The following KCNT2 variants were observed in gnomAD, a reference collection of about 807,000 sequenced individuals.
The protein encoded by KCNT2 is potassium channel subfamily T member 2.
KCNT2 carries 67 observed loss-of-function variants against 153.8 expected under a neutral mutation model. The observed-to-expected ratio is 0.44, with a 90% CI of 0.36 to 0.53. The LOEUF (loss-of-function observed/expected upper bound fraction) is 0.53, where lower values mean the gene tolerates loss of function less well. Among genes scored for constraint, KCNT2 ranks in the 20% least tolerant of loss-of-function variants. KCNT2 has a pLI of 0.00. For missense variants in KCNT2, 975 were observed against 1,354.8 expected (o/e 0.72, Z 4.40); for synonymous variants, 500 against 458.8 (o/e 1.09, Z -1.15).
chr1:196,291,934 A>C (rs1660222248), intron 22 of KCNT2, among the ~76,000 whole-genome samples: 2 of 152,214 alleles, frequency 1.3e-5, no homozygotes, highest in Non-Finnish European at 2.9e-5. Flanking sequence ...CTACTAACTC[A>C]AATTCTGCTT....
intron 14 of KCNT2, among the ~76,000 whole-genome samples, chr1:196,351,878 C>A (rs1358584823): frequency 6.6e-6 from 1 of 152,114 alleles, no homozygotes; most frequent in Non-Finnish European, 1.5e-5. Flanking sequence ...AGATACATCC[C>A]ATCAATACCT....
chr1:196,330,996 T>C (rs980994615), intron 18 of KCNT2, among the ~76,000 whole-genome samples, 160 bp downstream of exon 18: 1 of 151,904 alleles, frequency 6.6e-6, no homozygotes, highest in Non-Finnish European at 1.5e-5. Context: ...CAGTTAAAAA[T>C]GTAAAACTGA....
chr1:196,435,622 T>C (rs776551799), intron 8 of KCNT2, among the ~76,000 whole-genome samples: 1 of 151,734 alleles, frequency 6.6e-6, no homozygotes, highest in South Asian at 2.1e-4. Flanking sequence ...GACGTACAAA[T>C]CAAATGCTTG....
intron 1 of KCNT2, among the ~76,000 whole-genome samples, chr1:196,515,997 G>T (rs1176438288): frequency 6.6e-6 from 1 of 152,162 alleles, no homozygotes; most frequent in Non-Finnish European, 1.5e-5. Flanking sequence ...TCAGGCACAT[G>T]CGAAGCCCCA....
intron 16 of KCNT2, 113 bp downstream of exon 16, chr1:196,340,228 G>A: frequency 4.5e-6 from 3 of 671,290 alleles, no homozygotes; most frequent in Non-Finnish European, 7.3e-6. Flanking sequence ...GTAAAATGCA[G>A]CATGTTTGAA....
chr1:196,572,135 TA>T (rs1660849643), intron 1 of KCNT2, among the ~76,000 whole-genome samples: 1 of 152,022 alleles, frequency 6.6e-6, no homozygotes, highest in African/African-American at 2.4e-5. Context: ...ACCTTGGCTA[TA>T]AAATAAGAGA....
At chr1:196,524,824 G>T (rs1391405476) in intron 1 of KCNT2, among the ~76,000 whole-genome samples, 5 of 152,174 alleles carry the variant, frequency 3.3e-5, no homozygotes, top group Non-Finnish European at 7.4e-5. Flanking sequence ...AAATAGGAAA[G>T]TCAATCAATT....
intron 12 of KCNT2, among the ~76,000 whole-genome samples, chr1:196,400,976 G>T (rs1000678009): frequency 6.6e-6 from 1 of 151,776 alleles, no homozygotes; most frequent in East Asian, 1.9e-4. Context: ...CAGAAAACCT[G>T]CCAGAACAAC....
chr1:196,445,161 T>G (rs57291296), intron 8 of KCNT2, among the ~76,000 whole-genome samples: 13,286 of 151,392 alleles, frequency 0.088, 1,933 homozygotes, highest in African/African-American at 0.3. Context: ...TGTTCACAGA[T>G]TTGATAAAAA....
At chr1:196,474,000 A>G (rs1678312857) in intron 5 of KCNT2, among the ~76,000 whole-genome samples, 1 of 152,154 alleles carries the variant, frequency 6.6e-6, no homozygotes, top group Non-Finnish European at 1.5e-5. Flanking sequence ...GTTTCTAAGT[A>G]GTAGCTGTAT....
intron 1 of KCNT2, among the ~76,000 whole-genome samples, chr1:196,526,571 G>A (rs1654242457): frequency 6.6e-6 from 1 of 151,734 alleles, no homozygotes; most frequent in Admixed American, 6.6e-5. Flanking sequence ...CTCCTCCTCA[G>A]CCTCCCAAGT....
At chr1:196,372,265 A>G (rs185058181) in intron 14 of KCNT2, among the ~76,000 whole-genome samples, 1 of 152,050 alleles carries the variant, frequency 6.6e-6, no homozygotes, top group African/African-American at 2.4e-5. Context: ...CAACTTATCC[A>G]TCTATAAATA....
At chr1:196,487,148 A>C (rs371432684) in intron 3 of KCNT2, among the ~76,000 whole-genome samples, 2 of 151,912 alleles carry the variant, frequency 1.3e-5, no homozygotes, top group African/African-American at 2.4e-5. Context: ...GAGTGCAAAA[A>C]AGTCACTCTT....
intron 1 of KCNT2, among the ~76,000 whole-genome samples, chr1:196,544,275 G>A (rs1656769598): frequency 6.6e-6 from 1 of 151,826 alleles, no homozygotes; most frequent in African/African-American, 2.4e-5. Context: ...AGACTATATA[G>A]CCACCATCAT....
rs115011233 is a variant in KCNT2 at position 196,566,121 on chromosome 1, G to C, written c.95+42094C>G. Among the ~76,000 whole-genome samples, 657 of 151,930 alleles carry C rather than the reference G, an allele frequency of 4.3e-3. 3 individuals are homozygous for C. The highest frequency in any genetic ancestry group is 7.6e-3 in the Non-Finnish European group (518 of 67,830). ...AAATGAATTTGTAAAAAAGAAATAA[G>C]CAGACAGTGAAGGAAAAGACTACTT... is the stretch of plus-strand genomic sequence containing the variant. On this transcript the variant is annotated intron_variant, in intron 1 of 27. Coordinates refer to ENST00000294725, the MANE Select transcript of KCNT2 (RefSeq NM_198503.5).
chr1:196,478,218 C>A (rs774533103), intron 5 of KCNT2, among the ~76,000 whole-genome samples: 1 of 152,160 alleles, frequency 6.6e-6, no homozygotes, highest in Non-Finnish European at 1.5e-5. Context: ...ACTGGTAAAT[C>A]TTTTCATCCA....
At position 196,411,064 on chromosome 1, in the gene KCNT2, TC is replaced by T. The variant is rs1672267786; in HGVS notation, c.1185+11985del. Among the ~76,000 whole-genome samples, 2 of 548 alleles carry T rather than the reference TC, an allele frequency of 3.6e-3. 1 individual carries two copies. Among genetic ancestry groups the T allele is most frequent in the Non-Finnish European group, 0.021 (2 of 96 alleles). 0.4% of individuals were successfully genotyped at this position (548 alleles called of 152,430 possible). On this transcript the variant is annotated intron_variant, in intron 12 of 27. Coordinates refer to ENST00000294725, the MANE Select transcript of KCNT2 (RefSeq NM_198503.5). The stretch of plus-strand genomic sequence containing the variant: ...CTCCCTCCCTCCTCTATTCCCTCCT[TC>T]CTTCCTTCCTTCCTTCCTTCCTTCC...
At chr1:196,573,174 A>G (rs1298126722) in intron 1 of KCNT2, among the ~76,000 whole-genome samples, 3 of 152,110 alleles carry the variant, frequency 2.0e-5, no homozygotes, top group Non-Finnish European at 2.9e-5. Flanking sequence ...TCTACACAGA[A>G]AAATATGAGA....
chr1:196,330,477 C>T (rs2148096235), intron 18 of KCNT2, among the ~76,000 whole-genome samples: 1 of 151,924 alleles, frequency 6.6e-6, no homozygotes, highest in South Asian at 2.1e-4. Flanking sequence ...GAAAAAATCC[C>T]TAGCTAGAAT....
Sources: gnomAD v4.1 joint callset for allele counts (sites outside exome capture counted in the v4.1 genomes callset) on GRCh38, gnomAD v4.1.1 for gene constraint, MANE v1.5 for transcripts, NCBI Gene and HGNC (gene_info 2026-07-23, HGNC 2026-07-21) for gene names.